HARS1: variants seen among roughly 807,000 people sequenced by gnomAD.
HARS1 encodes the protein histidyl-tRNA synthetase 1.
In HARS1, 45 loss-of-function variants were observed where a neutral mutation model predicts 63.6. That is an observed-to-expected ratio of 0.71 (90% confidence interval 0.56 to 0.91). HARS1 has a LOEUF of 0.91. HARS1 is among the 40% of genes least tolerant of loss of function. The probability of loss-of-function intolerance (pLI) is 0.00; values close to 1 mark genes in which losing one functional copy is unlikely to be tolerated. For synonymous variants in HARS1, 205 were observed against 247.1 expected, an observed-to-expected ratio of 0.83 and a Z score of 1.60; for missense variants, 508 against 643.2, an observed-to-expected ratio of 0.79 and a Z score of 2.27.
Position 140,676,493 on chromosome 5 carries a change from C to T in HARS1, c.1194+161G>A, listed in dbSNP as rs1758367610. ...ATGGATTAAAGATCCATAAAACTTA[C>T]ATATAATGGGGTAGAAATCTGTGAA... On this transcript the variant is annotated intron_variant, in intron 10 of 12. Transcript: ENST00000504156. The surrounding 1 kb of genome is among the most constrained non-coding windows in gnomAD (Gnocchi z 4.1). The T allele has an allele frequency of 1.3e-6, 1 of 758,544 alleles. No homozygotes were observed. The highest frequency in any genetic ancestry group is 1.7e-5 in the African/African-American group (1 of 57,644). The allele number at this position is 758,544 out of a possible 1,614,324, so 47.0% of individuals were successfully genotyped here.
At chr5:140,678,671 C>T (rs1581508528) in intron 5 of HARS1, 2 of 190,320 alleles carry the variant, frequency 1.1e-5, no homozygotes, top group South Asian at 9.5e-5. Flanking sequence ...GGTAAAACCC[C>T]GTCTCTACTA....
At chr5:140,691,140 C>A in intron 1 of HARS1, 75 bp downstream of exon 1, 1 of 1,179,862 alleles carries the variant, frequency 8.5e-7, no homozygotes, top group Non-Finnish European at 1.2e-6. Context: ...CATCTCTACC[C>A]TATGTCCCGA....
At chr5:140,690,832 GC>G (rs1759370097) in intron 2 of HARS1, 22 bp downstream of exon 2, 1 of 1,313,796 alleles carries the variant, frequency 7.6e-7, no homozygotes, top group Non-Finnish European at 1.1e-6. Context: ...TTTCTCAGTG[GC>G]TCCCTACAGG....
Position 140,683,204 on chromosome 5 carries a change from T to G in HARS1, c.196A>C (p.Ser66Arg). The change falls in exon 3 of 13, where the codon AGT (serine) becomes CGT (arginine). Residue 66 changes from serine to arginine, a missense_variant. Around this residue, in one of 2 missense-constraint regions of HARS1, gnomAD observed 105 missense variants for 94.5 expected, o/e 1.11. Transcript: ENST00000504156. The stretch of plus-strand genomic sequence containing the variant: ...TCGCGAACTGCCATCTGCCGGGGAC[T>G]ATAGTCTCTTGTGCCCTTGGAGTTG... The part of the protein sequence containing the change: ...LKTPKGTRDY[S>R]PRQMAVREKV... 6.2e-7 allele frequency: 1 copy of G among 1,613,972 alleles called. No homozygotes were observed. Among genetic ancestry groups the G allele is most frequent in the Admixed American group, 1.7e-5 (1 of 60,018 alleles).
Position 140,677,654 on chromosome 5 carries a change from C to T in HARS1, c.729+1G>A. On this transcript the variant is annotated splice_donor_variant, in intron 7 of 12. Transcript: ENST00000504156. LOFTEE classifies it high-confidence loss of function. The stretch of plus-strand genomic sequence containing the variant: ...AAGAAGTCAAGTACTTGGGTTGTTA[C>T]CTTGTCCAGCTTGTCTACTGAGGAG... 1.3e-6 allele frequency: 2 copies of T among 1,598,692 alleles called. No individual in the cohort carries two copies. Among genetic ancestry groups the T allele is most frequent in the Non-Finnish European group, 1.7e-6 (2 of 1,166,694 alleles).
intron 3 of HARS1, among the ~76,000 whole-genome samples, chr5:140,682,113 T>C (rs1237822932): frequency 6.6e-6 from 1 of 152,154 alleles, no homozygotes; most frequent in African/African-American, 2.4e-5. Context: ...ACGTGGTGGC[T>C]CATGCCTGTA....
At chr5:140,687,923 T>G (rs1298240677) in intron 2 of HARS1, 1 of 152,074 alleles carries the variant, frequency 6.6e-6, no homozygotes, top group Non-Finnish European at 1.5e-5. Flanking sequence ...GCCAACACGG[T>G]GAAACCCCAT....
chr5:140,676,357 T>C lies in HARS1; in HGVS notation c.1194+297A>G, dbSNP rs1758361956. 2.8e-6 allele frequency: 1 copy of C among 361,068 alleles called. No homozygotes were observed. The highest frequency in any genetic ancestry group is 2.1e-5 in the African/African-American group (1 of 48,554). 22.4% of individuals were successfully genotyped at this position (361,068 alleles called of 1,614,324 possible). A position where few individuals can be genotyped will look rare whatever the true frequency, so the allele number is the denominator to read the frequency against. On this transcript the variant is annotated intron_variant, in intron 10 of 12. Transcript: ENST00000504156. The surrounding 1 kb of genome is among the most constrained non-coding windows in gnomAD (Gnocchi z 4.1). Reference sequence around the variant, plus strand: ...TGCCTGGCACAAGGCAGTAAAATGTTAAGTATTCCGTATCATGAGGAAGAT... The same window carrying C: ...TGCCTGGCACAAGGCAGTAAAATGTCAAGTATTCCGTATCATGAGGAAGAT...
rs73271581 is a variant in HARS1 at position 140,676,970 on chromosome 5, C to G, written c.951+19G>C. The G allele has an allele frequency of 6.2e-7, 1 of 1,614,186 alleles. No individual in the cohort carries two copies. Among genetic ancestry groups the G allele is most frequent in the Non-Finnish European group, 8.5e-7 (1 of 1,180,018 alleles). The stretch of plus-strand genomic sequence containing the variant: ...AAGCCCCAGAGCTCAGAAGGGATCC[C>G]GTCCCCAACTTGACTCACTTTGTCA... On this transcript the variant is annotated intron_variant, in intron 9 of 12. Coordinates refer to ENST00000504156, the MANE Select transcript of HARS1 (RefSeq NM_002109.6). This position sits in a 1 kb window ranked among gnomAD's most constrained non-coding sequence, Gnocchi z 4.1.
chr5:140,689,458 G>A (rs373986639), intron 2 of HARS1, among the ~76,000 whole-genome samples: 4 of 151,830 alleles, frequency 2.6e-5, no homozygotes, highest in Admixed American at 6.6e-5. Flanking sequence ...ATTTCAAAAG[G>A]TTTTTATTTG....
Position 140,690,922 on chromosome 5 carries a change from A to T in HARS1, c.113T>A (p.Leu38His). Residue 38 changes from leucine (L) to histidine (H), a missense_variant, in exon 2 of 13, where the codon CTC becomes CAC. Coordinates refer to ENST00000504156, the MANE Select transcript of HARS1 (RefSeq NM_002109.6). ...AELIEEEVAKLLKLKAQLGPD... is the reference protein window; with the variant it reads ...AELIEEEVAKHLKLKAQLGPD... ...ACCCAGCTGTGCCTTCAGTTTCAGG[A>T]GTTTCGCCACCTCCTCCTCGATCTG... is the stretch of plus-strand genomic sequence containing the variant. 1 of 1,607,912 alleles carries T rather than the reference A, an allele frequency of 6.2e-7. No homozygotes were observed. The highest frequency in any genetic ancestry group is 8.5e-7 in the Non-Finnish European group (1 of 1,174,404).
intron 3 of HARS1, among the ~76,000 whole-genome samples, chr5:140,681,785 C>T (rs554364156): frequency 1.3e-5 from 2 of 152,332 alleles, no homozygotes; most frequent in South Asian, 2.1e-4. Flanking sequence ...GTTATGTCAA[C>T]TTCCAGCCTC....
intron 2 of HARS1, chr5:140,684,821 T>C (rs1352130434): frequency 1.3e-5 from 2 of 152,242 alleles, no homozygotes; most frequent in African/African-American, 4.8e-5. Flanking sequence ...ACAAATAATA[T>C]ATCTATTATA....
chr5:140,674,576 A>G, intron 12 of HARS1, 103 bp downstream of exon 12: 5 of 1,286,356 alleles, frequency 3.9e-6, no homozygotes, highest in Non-Finnish European at 5.6e-6. Flanking sequence ...TATGAGTTGT[A>G]CTAATATCAA....
intron 5 of HARS1, chr5:140,678,302 A>G (rs1459662476): frequency 2.5e-5 from 11 of 435,668 alleles, no homozygotes; most frequent in Non-Finnish European, 4.1e-5. Context: ...CATTTTCCCT[A>G]TTCATCCAGA....
Position 140,691,226 on chromosome 5 carries a change from TG to T in HARS1, c.78del (p.Ser27AlafsTer4). ...ERVRGLKQQK[A>X]SAELIEEEVA... Reference sequence around the variant, plus strand: ...TGCCTAAATCTCACCAGCTCGGCGCTGGCCTTCTGCTGCTTGAGGCCTCGCA... The same window carrying T: ...TGCCTAAATCTCACCAGCTCGGCGCTGCCTTCTGCTGCTTGAGGCCTCGCA... On this transcript the variant is annotated frameshift_variant, in exon 1 of 13. Coordinates refer to ENST00000504156, the MANE Select transcript of HARS1 (RefSeq NM_002109.6). LOFTEE classifies it high-confidence loss of function. 1 of 1,604,630 alleles carries T rather than the reference TG, an allele frequency of 6.2e-7. No individual in the cohort carries two copies.
chr5:140,678,083 C>A lies in HARS1; in HGVS notation c.523-68G>T, dbSNP rs79408883. The A allele has an allele frequency of 6.8e-4, 570 of 835,662 alleles. 1 individual carries two copies. In the African/African-American group the frequency reaches 8.5e-3, roughly 12 times the overall value. The allele number at this position is 835,662 out of a possible 1,614,324, so 51.8% of individuals were successfully genotyped here. A position where few individuals can be genotyped will look rare whatever the true frequency, so the allele number is the denominator to read the frequency against. On this transcript the variant is annotated intron_variant, in intron 5 of 12. Coordinates refer to ENST00000504156, the MANE Select transcript of HARS1 (RefSeq NM_002109.6). The stretch of plus-strand genomic sequence containing the variant: ...TTCTGAAGGGGGGACTCTGGGAGCT[C>A]TGTCCTCTAGGAAGGCCTGGTTGCA...
chr5:140,677,218 C>T, intron 8 of HARS1, 102 bp from the exon 9 acceptor site: 1 of 1,392,196 alleles, frequency 7.2e-7, no homozygotes, highest in Middle Eastern at 1.8e-4. Context: ...TGTGTGTGTA[C>T]ATATGCATAG....
chr5:140,684,351 T>C, intron 2 of HARS1: 1 of 983,264 alleles, frequency 1.0e-6, no homozygotes, highest in Non-Finnish European at 1.2e-6. Flanking sequence ...AACAAAAAAA[T>C]ACCTACATGA....
Sources: gnomAD v4.1 joint callset for allele counts (sites outside exome capture counted in the v4.1 genomes callset) on GRCh38, gnomAD v4.1.1 for gene constraint, gnomAD v4.1.1 regional missense constraint, Gnocchi (gnomAD v3.1) non-coding constraint, MANE v1.5 for transcripts, NCBI Gene and HGNC (gene_info 2026-07-23, HGNC 2026-07-21) for gene names.